Variants in GGCX observed in about 807,000 individuals in gnomAD.
GGCX encodes gamma-glutamyl carboxylase.
In GGCX, 63 loss-of-function variants were observed where a neutral mutation model predicts 88.5. The ratio of observed to expected loss-of-function variants is 0.71; its 90% CI spans 0.58 to 0.88. The LOEUF (loss-of-function observed/expected upper bound fraction) is 0.88. Among genes scored for constraint, GGCX ranks in the 40% least tolerant of loss-of-function variants. The pLI, the probability that GGCX is intolerant of heterozygous loss-of-function variation, is 0.00. For missense variants in GGCX, 805 were observed against 932.9 expected (o/e 0.86, Z 1.79); for synonymous variants, 368 against 365.8 (o/e 1.01, Z -0.07).
In GGCX at chr2:85,561,462, C is replaced by T. The variant is rs1692462307; in HGVS notation, c.-34G>A. 2.6e-6 allele frequency: 4 copies of T among 1,532,114 alleles called. No homozygotes were observed. Among genetic ancestry groups the T allele is most frequent in the Non-Finnish European group, 3.6e-6 (4 of 1,126,262 alleles). 94.9% of individuals were successfully genotyped at this position (1,532,114 alleles called of 1,614,324 possible). A position where few individuals can be genotyped will look rare whatever the true frequency, so the allele number is the denominator to read the frequency against. ...GGAGGAGGCAGGTGGGTCACAGCTG[C>T]CGCGTCTGAACGGAGGCCGCCAGGA... On this transcript the variant is annotated 5_prime_UTR_variant, in exon 1 of 15. Transcript: ENST00000233838.
rs1691697044 is a variant in GGCX at position 85,546,956 on chromosome 2, T to C, written c.*2978A>G. 1 of 152,228 alleles carries C rather than the reference T, an allele frequency of 6.6e-6. No homozygotes were observed. Among genetic ancestry groups the C allele is most frequent in the African/African-American group, 2.4e-5 (1 of 41,454 alleles). The allele number at this position is 152,228 out of a possible 1,614,324, so 9.4% of individuals were successfully genotyped here. On this transcript the variant is annotated 3_prime_UTR_variant, in exon 15 of 15. Transcript: ENST00000233838. ...GAATAGCATGAGAAGTTTTCAAAAG[T>C]AACCGCTTTAAGGTTATGTTCAGTA...
chr2:85,560,782 A>C (rs1558813898), intron 2 of GGCX, 33 bp downstream of exon 2: 1 of 1,574,102 alleles, frequency 6.4e-7, no homozygotes, highest in East Asian at 2.2e-5. Flanking sequence ...TCCACTCTCA[A>C]CCAAATTGCT....
rs1318859460 is a variant in GGCX at position 85,560,940 on chromosome 2, T to C, written c.89A>G (p.Gln30Arg). 6.2e-7 allele frequency: 1 copy of C among 1,613,948 alleles called. No homozygotes were observed. Among genetic ancestry groups the C allele is most frequent in the Admixed American group, 1.7e-5 (1 of 60,008 alleles). ...DKAELISGPR[Q>R]DSRIGKLLGF... ...CAAGAGTTTCCCTATTCGGCTGTCC[T>C]GCCTGGGCCCTGAGATCAGTTCAGC... The change falls in exon 2 of 15, where the codon CAG (glutamine) becomes CGG (arginine). Residue 30 changes from glutamine (Q) to arginine (R), a missense_variant. Gln to Arg is a conservative substitution (Grantham distance 43, BLOSUM62 1). Transcript: ENST00000233838.
In GGCX at chr2:85,551,840, A is replaced by G. The variant is rs1691967505; in HGVS notation, c.1581T>C (p.Thr527=). 3 of 1,613,840 alleles carry G rather than the reference A, an allele frequency of 1.9e-6. No homozygotes were observed. In the Admixed American group the frequency reaches 5.0e-5, roughly 27 times the overall value. The change falls in exon 11 of 15, where the codon ACT becomes ACC. Residue 527 remains threonine (T), a synonymous_variant. Transcript: ENST00000233838. ...QEIKSSLDNH[T]EVVFIADFPG... ...GGAAATCTGCAATGAAGACCACCTC[A>G]GTGTGGTTGTCTAGGCTGCTCTTGA...
At chr2:85,550,425 T>C in intron 14 of GGCX, 130 bp downstream of exon 14, 2 of 741,244 alleles carry the variant, frequency 2.7e-6, no homozygotes, top group Non-Finnish European at 4.8e-6. Flanking sequence ...TCAAGAAGAA[T>C]GGCAGGAAAA....
At chr2:85,555,433 C>T in intron 6 of GGCX, 51 bp downstream of exon 6, 2 of 924,494 alleles carry the variant, frequency 2.2e-6, no homozygotes, top group Non-Finnish European at 3.6e-6. Context: ...AGATGAGTCA[C>T]CTGCTCTGTA....
intron 4 of GGCX, among the ~76,000 whole-genome samples, chr2:85,557,508 A>G (rs1353149001): frequency 6.6e-6 from 1 of 152,182 alleles, no homozygotes. Flanking sequence ...CCCACAACGG[A>G]ACTTTTCAGA....
chr2:85,551,500 G>C lies in GGCX; in HGVS notation c.1720C>G (p.Arg574Gly), dbSNP rs755908721. The C allele has an allele frequency of 3.1e-6, 5 of 1,613,760 alleles. No homozygotes were observed. The African/African-American group carries it at 5.3e-5, about 17-fold the overall frequency. The change falls in exon 12 of 15, where the codon CGA (arginine) becomes GGA (glycine). Residue 574 changes from arginine (R) to glycine (G), a missense_variant. Coordinates refer to ENST00000233838, the MANE Select transcript of GGCX (RefSeq NM_000821.7). ...LVAEQKNQTLREGEKMQLPAG... is the reference protein window; with the variant it reads ...LVAEQKNQTLGEGEKMQLPAG... ...AATACCTGCATTTTTTCTCCCTCTC[G>C]AAGAGTCTGGTTCTTCTGTTCTGCC...
At chr2:85,556,315 C>T (rs766020601) in intron 4 of GGCX, 55 bp from the exon 5 acceptor site, 25 of 1,048,066 alleles carry the variant, frequency 2.4e-5, no homozygotes, top group Non-Finnish European at 3.3e-5. Flanking sequence ...AGCTACATCT[C>T]CATCCTTCCT....
intron 2 of GGCX, among the ~76,000 whole-genome samples, chr2:85,560,193 G>C (rs1461103557): frequency 1.3e-5 from 2 of 152,134 alleles, no homozygotes; most frequent in African/African-American, 4.8e-5. Flanking sequence ...ACAGCCAAAA[G>C]GTATGGTCCC....
chr2:85,559,120 A>C, intron 2 of GGCX, 45 bp from the exon 3 acceptor site: 1 of 1,526,114 alleles, frequency 6.6e-7, no homozygotes, highest in Non-Finnish European at 9.1e-7. Context: ...TCAGCTAAGG[A>C]AGCAGTAGAA....
Position 85,549,908 on chromosome 2 carries a change from C to T in GGCX, c.*26G>A. The T allele has an allele frequency of 6.1e-6, 9 of 1,485,062 alleles. No homozygotes were observed. Among genetic ancestry groups the T allele is most frequent in the Non-Finnish European group, 8.4e-6 (9 of 1,070,730 alleles). 92.0% of individuals were successfully genotyped at this position (1,485,062 alleles called of 1,614,324 possible). On this transcript the variant is annotated 3_prime_UTR_variant, in exon 15 of 15. Transcript: ENST00000233838. ...ATGGGTCTGTGACTGGCTGCTTCTA[C>T]ATCTGCACCCAACATCTGGCCCCCT...
In GGCX at chr2:85,552,422, T is replaced by C; in HGVS notation, c.1433A>G (p.Gln478Arg). ...DIWVSINDRF[Q>R]QRIFDPRVDI... ...CTCTGCTCCCCTTGCCCACCTCTGC[T>C]GGAAGCGGTCATTGATGGAGACCCA... is the stretch of plus-strand genomic sequence containing the variant. The change falls in exon 10 of 15, where the codon CAG becomes CGG. Residue 478 changes from glutamine (Q) to arginine (R), a missense_variant. Around this residue, in one of 3 missense-constraint regions of GGCX, gnomAD observed 680 missense variants for 763.7 expected, o/e 0.89. Coordinates refer to ENST00000233838, the MANE Select transcript of GGCX (RefSeq NM_000821.7). The C allele has an allele frequency of 6.2e-7, 1 of 1,614,046 alleles. No individual in the cohort carries two copies. Among genetic ancestry groups the C allele is most frequent in the Non-Finnish European group, 8.5e-7 (1 of 1,179,870 alleles).
chr2:85,560,664 G>A, intron 2 of GGCX, 151 bp downstream of exon 2: 1 of 765,312 alleles, frequency 1.3e-6, no homozygotes, highest in Non-Finnish European at 2.4e-6. Context: ...AGACAAAGCA[G>A]GTTTAATCCT....
In GGCX at chr2:85,546,961, G is replaced by A. The variant is rs1303552762; in HGVS notation, c.*2973C>T. ...GCATGAGAAGTTTTCAAAAGTAACC[G>A]CTTTAAGGTTATGTTCAGTATTTGC... is the stretch of plus-strand genomic sequence containing the variant. On this transcript the variant is annotated 3_prime_UTR_variant, in exon 15 of 15. Transcript: ENST00000233838. 5.3e-5 allele frequency: 8 copies of A among 152,176 alleles called. No homozygotes were observed. The East Asian group carries it at 7.7e-4, about 15-fold the overall frequency. 9.4% of individuals were successfully genotyped at this position (152,176 alleles called of 1,614,324 possible). A position where few individuals can be genotyped will look rare whatever the true frequency, so the allele number is the denominator to read the frequency against.
At chr2:85,556,721 G>T (rs1014600294) in intron 4 of GGCX, among the ~76,000 whole-genome samples, 1 of 152,112 alleles carries the variant, frequency 6.6e-6, no homozygotes. Context: ...GTATAAGAGG[G>T]TTCCTGCTAA....
At position 85,560,220 on chromosome 2, in the gene GGCX, G is replaced by T. The variant is rs1157920630; in HGVS notation, c.214+595C>A. Among the ~76,000 whole-genome samples the T allele has an allele frequency of 2.0e-5, 3 of 152,154 alleles. No homozygotes were observed. In the East Asian group the frequency reaches 5.8e-4, roughly 29 times the overall value. Reference sequence around the variant, plus strand: ...TATGGTCCCTGTGGCCCCCTGCTCTGTTTCTCTGAGTCTTCTGGGCAACTT... The same window carrying T: ...TATGGTCCCTGTGGCCCCCTGCTCTTTTTCTCTGAGTCTTCTGGGCAACTT... On this transcript the variant is annotated intron_variant, in intron 2 of 14. Transcript: ENST00000233838.
At chr2:85,556,790 TG>T (rs918794120) in intron 4 of GGCX, among the ~76,000 whole-genome samples, 2 of 152,138 alleles carry the variant, frequency 1.3e-5, no homozygotes, top group African/African-American at 4.8e-5. Context: ...AGATGTACTC[TG>T]GGGAAGCAGA....
rs1459026067 is a variant in GGCX, at chr2:85,545,862, T to G, written c.*4072A>C. On this transcript the variant is annotated 3_prime_UTR_variant, in exon 15 of 15. Coordinates refer to ENST00000233838, the MANE Select transcript of GGCX (RefSeq NM_000821.7). Reference sequence around the variant, plus strand: ...CATCTGAGAAGTTCTGAAACGTGATTTCTAGTCAATATCTTGCAGAGATAA... The same window carrying G: ...CATCTGAGAAGTTCTGAAACGTGATGTCTAGTCAATATCTTGCAGAGATAA... The G allele has an allele frequency of 6.6e-6, 1 of 152,234 alleles. No individual in the cohort carries two copies. Among genetic ancestry groups the G allele is most frequent in the Admixed American group, 6.5e-5 (1 of 15,288 alleles). 9.4% of individuals were successfully genotyped at this position (152,234 alleles called of 1,614,324 possible). A position where few individuals can be genotyped will look rare whatever the true frequency, so the allele number is the denominator to read the frequency against.
Sources: gnomAD v4.1 joint callset for allele counts (sites outside exome capture counted in the v4.1 genomes callset) on GRCh38, gnomAD v4.1.1 for gene constraint, gnomAD v4.1.1 regional missense constraint, MANE v1.5 for transcripts, NCBI Gene and HGNC (gene_info 2026-07-23, HGNC 2026-07-21) for gene names.